EYS: variants seen among roughly 807,000 people sequenced by gnomAD.
The protein encoded by EYS is EGF-like photoreceptor maintenance factor, also known as protein eyes shut homolog.
In EYS, 250 loss-of-function variants were observed where a neutral mutation model predicts 282.1. The ratio of observed to expected loss-of-function variants is 0.89; its 90% CI spans 0.80 to 0.98. The LOEUF (loss-of-function observed/expected upper bound fraction) is 0.98. Among genes scored for constraint, EYS ranks in the 50% least tolerant of loss-of-function variants. The pLI is 0.00. For missense variants in EYS, 4,016 were observed against 3,709.0 expected (o/e 1.08, Z -2.15); for synonymous variants, 1,355 against 1,282.9 (o/e 1.06, Z -1.20).
chr6:64,899,798 A>T (rs1354106218), intron 18 of EYS, among the ~76,000 whole-genome samples: 1 of 152,272 alleles, frequency 6.6e-6, no homozygotes, highest in Admixed American at 6.5e-5. Context: ...AAATGGCCAC[A>T]CCGCCCAAAG....
chr6:64,148,908 A>T (rs1192571981), intron 31 of EYS, among the ~76,000 whole-genome samples: 1 of 152,194 alleles, frequency 6.6e-6, no homozygotes, highest in Non-Finnish European at 1.5e-5. Context: ...TCATTTGATG[A>T]AAAAACCCAG....
intron 35 of EYS, among the ~76,000 whole-genome samples, chr6:63,972,790 C>T (rs1001405050): frequency 3.3e-5 from 5 of 152,026 alleles, no homozygotes; most frequent in Non-Finnish European, 5.9e-5. Context: ...AACATGTGGT[C>T]TTTGGTTTTC....
At chr6:65,457,617 A>G (rs916919916) in intron 5 of EYS, among the ~76,000 whole-genome samples, 4 of 152,172 alleles carry the variant, frequency 2.6e-5, no homozygotes, top group Middle Eastern at 6.3e-3. Context: ...CTTGTTCTAA[A>G]TAAGTGCTAT....
intron 22 of EYS, among the ~76,000 whole-genome samples, chr6:64,676,282 G>T (rs1459265222): frequency 6.9e-6 from 1 of 144,838 alleles, no homozygotes; most frequent in Non-Finnish European, 1.5e-5. Flanking sequence ...CCCTAGAAAA[G>T]TTTCCAATAT....
chr6:64,972,062 G>A (rs991901952), intron 14 of EYS, among the ~76,000 whole-genome samples: 2 of 152,100 alleles, frequency 1.3e-5, no homozygotes, highest in African/African-American at 4.8e-5. Flanking sequence ...AATGTATCTT[G>A]GAGAAATTCA....
chr6:65,655,573 T>C (rs989435370), intron 1 of EYS, among the ~76,000 whole-genome samples: 1 of 151,834 alleles, frequency 6.6e-6, no homozygotes, highest in Admixed American at 6.6e-5. Context: ...GGATTTTTCA[T>C]AAAATATCTC....
intron 12 of EYS, among the ~76,000 whole-genome samples, chr6:65,244,888 GTTTATT>G (rs1313891746): frequency 6.6e-6 from 1 of 151,866 alleles, no homozygotes; most frequent in African/African-American, 2.4e-5. Context: ...CCAAAAATGT[GTTTATT>G]TTTATTTCTA....
intron 28 of EYS, among the ~76,000 whole-genome samples, chr6:64,402,274 A>G (rs1773558934): frequency 6.6e-6 from 1 of 152,154 alleles, no homozygotes; most frequent in East Asian, 1.9e-4. Flanking sequence ...ATGTGATTGT[A>G]TGATATTTAT....
chr6:64,845,168 G>A (rs1424926228), intron 19 of EYS, among the ~76,000 whole-genome samples: 1 of 152,020 alleles, frequency 6.6e-6, no homozygotes, highest in Non-Finnish European at 1.5e-5. Context: ...GTATGCACCT[G>A]TGGTTCCAGC....
intron 8 of EYS, among the ~76,000 whole-genome samples, chr6:65,358,599 AGTGTGT>A (rs61588307): frequency 0.11 from 16,169 of 140,796 alleles, 1,056 homozygotes; most frequent in Middle Eastern, 0.18. Flanking sequence ...AGGTTTCTGA[AGTGTGT>A]GTGTGTGTGT....
chr6:64,286,233 A>G (rs1768496808), intron 30 of EYS, among the ~76,000 whole-genome samples: 1 of 152,202 alleles, frequency 6.6e-6, no homozygotes, highest in Admixed American at 6.5e-5. Context: ...GAAGAAACTT[A>G]CAGGCTTTGA....
chr6:64,095,898 G>A (rs1305711140), intron 31 of EYS, among the ~76,000 whole-genome samples: 1 of 152,212 alleles, frequency 6.6e-6, no homozygotes, highest in Non-Finnish European at 1.5e-5. Flanking sequence ...GGTACCGGTT[G>A]CTCCTTTCCA....
intron 2 of EYS, among the ~76,000 whole-genome samples, chr6:65,521,974 T>A (rs1767390089): frequency 6.6e-6 from 1 of 152,208 alleles, no homozygotes; most frequent in South Asian, 2.1e-4. Flanking sequence ...ATAATTTTAT[T>A]GTTCGGAGTT....
At chr6:64,501,571 T>C (rs928704182) in intron 26 of EYS, among the ~76,000 whole-genome samples, 11 of 152,102 alleles carry the variant, frequency 7.2e-5, no homozygotes, top group Non-Finnish European at 4.4e-5. Flanking sequence ...ACCTATTAAC[T>C]GAAGATGCCA....
rs1476564260 is a variant in EYS at position 65,002,798 on chromosome 6, C to A, written c.2138-5095G>T. ...AGATTTCATGGACATTTATTAGTTC[C>A]CCAAATTAATACTTTTATAATTTCT... On this transcript the variant is annotated intron_variant, in intron 13 of 42. Transcript: ENST00000503581. 1.4e-5 allele frequency among the ~76,000 whole-genome samples: 2 copies of A among 147,380 alleles called. 1 individual carries two copies. Among genetic ancestry groups the A allele is most frequent in the Non-Finnish European group, 3.0e-5 (2 of 65,876 alleles).
chr6:65,252,396 G>A (rs930477924), intron 12 of EYS, among the ~76,000 whole-genome samples: 1 of 151,892 alleles, frequency 6.6e-6, no homozygotes. Flanking sequence ...ACAGAACAAA[G>A]GTTTGAAAAC....
At chr6:65,496,608 A>C (rs1766266610) in intron 2 of EYS, among the ~76,000 whole-genome samples, 1 of 152,108 alleles carries the variant, frequency 6.6e-6, no homozygotes, top group African/African-American at 2.4e-5. Flanking sequence ...AAATAGGTAC[A>C]CCAGGGAGAA....
At chr6:64,533,392 A>G (rs908873834) in intron 26 of EYS, among the ~76,000 whole-genome samples, 1 of 152,174 alleles carries the variant, frequency 6.6e-6, no homozygotes, top group African/African-American at 2.4e-5. Flanking sequence ...TCAAAGAATC[A>G]ATTATCTATG....
intron 11 of EYS, among the ~76,000 whole-genome samples, chr6:65,301,357 G>A (rs1768818436): frequency 1.3e-5 from 2 of 152,306 alleles, no homozygotes; most frequent in Admixed American, 6.5e-5. Flanking sequence ...TAGATCTTAG[G>A]CATCGCGTCA....
Sources: gnomAD v4.1 joint callset for allele counts (sites outside exome capture counted in the v4.1 genomes callset) on GRCh38, gnomAD v4.1.1 for gene constraint, MANE v1.5 for transcripts, NCBI Gene and HGNC (gene_info 2026-07-23, HGNC 2026-07-21) for gene names.